Variants in RNLS observed in about 807,000 individuals in gnomAD.
RNLS encodes the protein renalase.
Under a neutral mutation model 39.8 loss-of-function variants are expected in RNLS, and 39 were observed. The ratio of observed to expected loss-of-function variants is 0.98; its 90% CI spans 0.76 to 1.28. The LOEUF (loss-of-function observed/expected upper bound fraction) is 1.28, where lower values mean the gene tolerates loss of function less well. Among genes scored for constraint, RNLS ranks in the 50% most tolerant of loss-of-function variants. The pLI is 0.00. For synonymous variants in RNLS, 147 were observed against 150.7 expected (o/e 0.98, Z 0.18); for missense variants, 410 against 413.3 (o/e 0.99, Z 0.07).
the RNLS span, among the ~76,000 whole-genome samples, chr10:88,209,068 A>G: frequency 1.3e-5 from 2 of 152,162 alleles, no homozygotes; most frequent in Non-Finnish European, 2.9e-5. Context: ...CAATAAAGCT[A>G]CCACTATCTG....
intron 4 of RNLS, among the ~76,000 whole-genome samples, chr10:88,507,409 A>G (rs891531832): frequency 6.6e-6 from 1 of 152,134 alleles, no homozygotes; most frequent in Non-Finnish European, 1.5e-5. Flanking sequence ...AAACAAATCA[A>G]TAAGAAAGTG....
the RNLS span, among the ~76,000 whole-genome samples, chr10:88,226,943 C>G: frequency 6.6e-6 from 1 of 151,994 alleles, no homozygotes; most frequent in Admixed American, 6.5e-5. Context: ...AGCTTTCTTG[C>G]GAATCCATAC....
the RNLS span, among the ~76,000 whole-genome samples, chr10:88,208,376 A>C: frequency 2.0e-5 from 3 of 152,206 alleles, no homozygotes; most frequent in Non-Finnish European, 4.4e-5. Context: ...AGTATAATAA[A>C]AAAGAATAAT....
chr10:88,174,111 C>T, the RNLS span, among the ~76,000 whole-genome samples: 3 of 152,010 alleles, frequency 2.0e-5, no homozygotes, highest in Admixed American at 6.6e-5. Context: ...TATCTTGCAA[C>T]TTTACTGAAT....
intron 4 of RNLS, among the ~76,000 whole-genome samples, chr10:88,462,090 A>T (rs1297376915): frequency 1.3e-5 from 2 of 152,058 alleles, no homozygotes; most frequent in Non-Finnish European, 1.5e-5. Context: ...TCTTGAGAAT[A>T]CATGCTTCGT....
At chr10:88,386,354 T>C (rs983522717) in intron 4 of RNLS, among the ~76,000 whole-genome samples, 32 of 152,188 alleles carry the variant, frequency 2.1e-4, no homozygotes, top group African/African-American at 7.5e-4. Context: ...AAGGCTAAAA[T>C]TGGTTAGTTC....
chr10:88,342,032 CTG>C (rs143613771), intron 5 of RNLS, among the ~76,000 whole-genome samples: 4,275 of 152,236 alleles, frequency 0.028, 84 homozygotes, highest in Middle Eastern at 0.041. Flanking sequence ...GCAAAAGTAA[CTG>C]TGGTTTTACC....
intron 5 of RNLS, among the ~76,000 whole-genome samples, chr10:88,350,537 C>T (rs577646062): frequency 3.6e-4 from 55 of 152,230 alleles, no homozygotes; most frequent in African/African-American, 1.2e-3. Context: ...CAGCTTCATC[C>T]ATGTCCCTAC....
At chr10:88,518,672 T>A (rs1326802097) in intron 4 of RNLS, among the ~76,000 whole-genome samples, 1 of 151,948 alleles carries the variant, frequency 6.6e-6, no homozygotes, top group East Asian at 1.9e-4. Flanking sequence ...CTTAAGCACT[T>A]GTTTTGGAAA....
intron 4 of RNLS, among the ~76,000 whole-genome samples, chr10:88,554,457 T>C (rs1848752968): frequency 6.6e-6 from 1 of 151,922 alleles, no homozygotes; most frequent in Non-Finnish European, 1.5e-5. Flanking sequence ...TTGAATTGAG[T>C]CTTAGTGCTG....
chr10:88,336,112 C>T (rs1847473583), intron 5 of RNLS, among the ~76,000 whole-genome samples: 1 of 152,168 alleles, frequency 6.6e-6, no homozygotes, highest in Non-Finnish European at 1.5e-5. Context: ...TAGAATCTGA[C>T]AGCATTGAAT....
intron 4 of RNLS, among the ~76,000 whole-genome samples, chr10:88,492,645 C>G (rs192790212): frequency 2.4e-3 from 370 of 152,150 alleles, no homozygotes; most frequent in Non-Finnish European, 5.0e-4. Flanking sequence ...TCTCAAACTC[C>G]TGACCTCAAG....
intron 4 of RNLS, among the ~76,000 whole-genome samples, chr10:88,428,957 G>C (rs909361844): frequency 6.6e-6 from 1 of 151,934 alleles, no homozygotes; most frequent in Non-Finnish European, 1.5e-5. Flanking sequence ...TGCAAACATG[G>C]ATGGTAGCCA....
downstream of RNLS, among the ~76,000 whole-genome samples, chr10:88,271,129 T>A (rs1337600403): frequency 6.6e-6 from 1 of 152,216 alleles, no homozygotes; most frequent in African/African-American, 2.4e-5. Flanking sequence ...ACAGGGCATT[T>A]CTACCACAGC....
At chr10:88,456,773 T>A (rs1041707429) in intron 4 of RNLS, among the ~76,000 whole-genome samples, 5 of 152,172 alleles carry the variant, frequency 3.3e-5, no homozygotes, top group Admixed American at 1.3e-4. Context: ...ACCAATTTTT[T>A]AAAAAAATTC....
chr10:88,386,398 G>T (rs532853896), intron 4 of RNLS, among the ~76,000 whole-genome samples: 15 of 152,184 alleles, frequency 9.9e-5, no homozygotes, highest in African/African-American at 3.4e-4. Flanking sequence ...TGACCCATTT[G>T]TTAATCATTA....
intron 4 of RNLS, among the ~76,000 whole-genome samples, chr10:88,382,519 C>A (rs1473493082): frequency 2.0e-5 from 3 of 152,016 alleles, no homozygotes; most frequent in Non-Finnish European, 4.4e-5. Context: ...ATTTGTTTCC[C>A]AAGCAAGGAA....
At chr10:88,371,303 A>G (rs552223394) in intron 4 of RNLS, among the ~76,000 whole-genome samples, 1 of 152,172 alleles carries the variant, frequency 6.6e-6, no homozygotes, top group Non-Finnish European at 1.5e-5. Context: ...GTCTATGTGT[A>G]TATCACACTT....
the RNLS span, among the ~76,000 whole-genome samples, chr10:88,231,676 G>C: frequency 6.6e-6 from 1 of 152,108 alleles, no homozygotes; most frequent in Non-Finnish European, 1.5e-5. Context: ...GGGGCGTAAG[G>C]CTGAAACCCC....
Sources: allele counts gnomAD v4.1 joint callset (sites outside exome capture counted in the v4.1 genomes callset), GRCh38; gene constraint gnomAD v4.1.1; transcripts MANE v1.5; gene names NCBI Gene and HGNC (gene_info 2026-07-23, HGNC 2026-07-21).